Variants in ANK2 observed in about 807,000 individuals in gnomAD.
The protein encoded by ANK2 is ankyrin 2, also known as ankyrin-2.
A neutral mutation model predicts 360.5 loss-of-function variants in ANK2; 83 were observed. The ratio of observed to expected loss-of-function variants is 0.23; its 90% CI spans 0.19 to 0.28. The LOEUF (loss-of-function observed/expected upper bound fraction) is 0.28. ANK2 is among the 10% of genes least tolerant of loss of function. The pLI is 1.00. For synonymous variants in ANK2, 1,740 were observed against 1,759.5 expected (o/e 0.99, Z 0.28); for missense variants, 4,201 against 4,795.7 (o/e 0.88, Z 3.66).
In ANK2 at chr4:113,354,591, G is replaced by C; in HGVS notation, c.5973G>C (p.Arg1991=). The change falls in exon 38 of 46, where the codon CGG becomes CGC. Residue 1991 remains arginine (R), a synonymous_variant. Coordinates refer to ENST00000357077, the MANE Select transcript of ANK2 (RefSeq NM_001148.6). ...TERIEETMSV[R]ELMKAFQSGQ... is the part of the protein sequence containing the mutation. ...GGATTGAGGAAACCATGTCTGTTCG[G>C]GAGCTGATGAAGGCTTTCCAGTCAG... 1 of 1,613,972 alleles carries C rather than the reference G, an allele frequency of 6.2e-7. No homozygotes were observed. The highest frequency in any genetic ancestry group is 8.5e-7 in the Non-Finnish European group (1 of 1,179,976).
At chr4:112,885,496 C>CA (rs11429383) in intron 1 of ANK2, among the ~76,000 whole-genome samples, 45,344 of 122,926 alleles carry the variant, frequency 0.37, 8,817 homozygotes, top group East Asian at 0.69. Flanking sequence ...AAGACTCCAT[C>CA]AAAAAAAAAA....
At chr4:112,873,840 C>T (rs2074105432) in intron 1 of ANK2, among the ~76,000 whole-genome samples, 1 of 151,920 alleles carries the variant, frequency 6.6e-6, no homozygotes. Flanking sequence ...CCATGCCCGG[C>T]CCCTGTTATT....
At chr4:113,186,420 G>T (rs575603352) in intron 2 of ANK2, among the ~76,000 whole-genome samples, 10 of 152,262 alleles carry the variant, frequency 6.6e-5, no homozygotes, top group African/African-American at 2.2e-4. Context: ...AAGACCAAAG[G>T]TAGGTAAATA....
At chr4:113,120,668 GTA>G (rs1308694439) in intron 1 of ANK2, among the ~76,000 whole-genome samples, 2 of 152,122 alleles carry the variant, frequency 1.3e-5, no homozygotes, top group Non-Finnish European at 2.9e-5. Context: ...AGGTAAATGT[GTA>G]TCATGGGGGT....
At position 113,382,384 on chromosome 4, in the gene ANK2, G is replaced by T. The variant is rs2097186814; in HGVS notation, c.*913G>T. ...GCAGAATGAACCGATGGGGTATTCAGTTGCTGGCAGCTACATTGTGTGGCA... is the reference window on the plus strand; with the variant it reads ...GCAGAATGAACCGATGGGGTATTCATTTGCTGGCAGCTACATTGTGTGGCA... On this transcript the variant is annotated 3_prime_UTR_variant, in exon 46 of 46. Transcript: ENST00000357077. The T allele has an allele frequency of 6.5e-6, 1 of 152,834 alleles. No individual in the cohort carries two copies. The highest frequency in any genetic ancestry group is 1.5e-5 in the Non-Finnish European group (1 of 68,166). The allele number at this position is 152,834 out of a possible 1,614,324, so 9.5% of individuals were successfully genotyped here.
At chr4:113,081,717 C>T (rs1389275781) in intron 1 of ANK2, among the ~76,000 whole-genome samples, 5 of 151,742 alleles carry the variant, frequency 3.3e-5, no homozygotes, top group Non-Finnish European at 5.9e-5. Context: ...TTTAGCTTTA[C>T]TTAAATGCTT....
intron 2 of ANK2, among the ~76,000 whole-genome samples, chr4:112,930,611 G>C (rs528801448): frequency 1.3e-5 from 2 of 152,012 alleles, no homozygotes; most frequent in South Asian, 4.1e-4. Context: ...TGATGACGCC[G>C]GGTGCAGTGG....
At chr4:113,140,039 T>C (rs1444620765) in intron 1 of ANK2, among the ~76,000 whole-genome samples, 1 of 149,494 alleles carries the variant, frequency 6.7e-6, no homozygotes, top group African/African-American at 2.5e-5. Context: ...TGCAACAGTT[T>C]CCCTGATTGA....
intron 2 of ANK2, among the ~76,000 whole-genome samples, chr4:112,945,229 C>G (rs908381641): frequency 1.3e-5 from 2 of 152,148 alleles, no homozygotes; most frequent in African/African-American, 4.8e-5. Context: ...AGAGTTCTCC[C>G]TAGAAGTGAT....
intron 1 of ANK2, among the ~76,000 whole-genome samples, chr4:112,843,319 C>CT (rs1229050926): frequency 1.3e-5 from 2 of 152,112 alleles, no homozygotes; most frequent in Non-Finnish European, 2.9e-5. Context: ...TTCCTCAACT[C>CT]TTTTTTTCTG....
intron 1 of ANK2, among the ~76,000 whole-genome samples, chr4:113,128,245 C>T (rs932206941): frequency 6.6e-6 from 1 of 152,112 alleles, no homozygotes; most frequent in African/African-American, 2.4e-5. Context: ...TGTCTGATCC[C>T]TGGCCTCAGT....
At chr4:112,976,586 T>C (rs1420052821) in intron 2 of ANK2, among the ~76,000 whole-genome samples, 1 of 152,194 alleles carries the variant, frequency 6.6e-6, no homozygotes, top group African/African-American at 2.4e-5. Flanking sequence ...TTCAGTAGTG[T>C]ATGAGAACTG....
intron 4 of ANK2, among the ~76,000 whole-genome samples, chr4:113,202,236 A>G (rs956930015): frequency 6.6e-6 from 1 of 152,124 alleles, no homozygotes; most frequent in African/African-American, 2.4e-5. Flanking sequence ...CAATCCCAAA[A>G]CTGATGGTTT....
At chr4:112,856,844 T>C (rs1224377546) in intron 1 of ANK2, among the ~76,000 whole-genome samples, 1 of 152,108 alleles carries the variant, frequency 6.6e-6, no homozygotes, top group Non-Finnish European at 1.5e-5. Context: ...GGGAGAGAAA[T>C]TGGGGTCAAC....
At chr4:113,089,375 G>A (rs139883762) in intron 1 of ANK2, among the ~76,000 whole-genome samples, 2 of 152,284 alleles carry the variant, frequency 1.3e-5, no homozygotes, top group Non-Finnish European at 2.9e-5. Flanking sequence ...TCCTAATTTT[G>A]TTCTGCTTTA....
At chr4:112,926,454 G>C (rs1379873150) in intron 2 of ANK2, among the ~76,000 whole-genome samples, 1 of 152,170 alleles carries the variant, frequency 6.6e-6, no homozygotes, top group East Asian at 1.9e-4. Flanking sequence ...CAAAGAACAG[G>C]TCAGTGATTG....
At chr4:112,970,006 C>G (rs578107039) in intron 2 of ANK2, among the ~76,000 whole-genome samples, 89 of 151,010 alleles carry the variant, frequency 5.9e-4, no homozygotes, top group African/African-American at 2.0e-3. Flanking sequence ...TTTTTTGAGA[C>G]GGAGTCTCAC....
At chr4:112,991,059 G>C (rs573086732) in intron 2 of ANK2, among the ~76,000 whole-genome samples, 1 of 152,140 alleles carries the variant, frequency 6.6e-6, no homozygotes, top group East Asian at 1.9e-4. Flanking sequence ...GGACCATCCT[G>C]GCCAACATGG....
rs181843831 is a variant in ANK2 at position 113,063,872 on chromosome 4, A to C, written c.84+14060A>C. 1.5e-4 allele frequency among the ~76,000 whole-genome samples: 23 copies of C among 152,290 alleles called. No individual in the cohort carries two copies. The East Asian group carries it at 4.0e-3, about 27-fold the overall frequency. ...ATACATTTGAAGTTATTTAGATTGCAATAAAAAAAACCACCTTCCTGCTTC... is the reference window on the plus strand; with the variant it reads ...ATACATTTGAAGTTATTTAGATTGCCATAAAAAAAACCACCTTCCTGCTTC... On this transcript the variant is annotated intron_variant, in intron 1 of 45. Coordinates refer to ENST00000357077, the MANE Select transcript of ANK2 (RefSeq NM_001148.6).
Sources: gnomAD v4.1 joint callset for allele counts (sites outside exome capture counted in the v4.1 genomes callset) on GRCh38, gnomAD v4.1.1 for gene constraint, MANE v1.5 for transcripts, NCBI Gene and HGNC (gene_info 2026-07-23, HGNC 2026-07-21) for gene names.